LSAMP: variants seen among roughly 807,000 people sequenced by gnomAD.
LSAMP encodes the protein limbic system-associated membrane protein.
In LSAMP, 7 loss-of-function variants were observed where a neutral mutation model predicts 38.6. That is an observed-to-expected ratio of 0.18 (90% confidence interval 0.10 to 0.34). The LOEUF (loss-of-function observed/expected upper bound fraction) is 0.34. Among genes scored for constraint, LSAMP ranks in the 10% least tolerant of loss-of-function variants. The pLI, the probability that LSAMP is intolerant of heterozygous loss-of-function variation, is 1.00. For missense variants in LSAMP, 313 were observed against 420.0 expected (o/e 0.75, Z 2.23); for synonymous variants, 154 against 166.8 (o/e 0.92, Z 0.59).
intron 6 of LSAMP, among the ~76,000 whole-genome samples, chr3:115,835,634 A>C (rs1167233416): frequency 1.3e-5 from 2 of 152,244 alleles, no homozygotes; most frequent in African/African-American, 4.8e-5. Flanking sequence ...AGAAAGGCAT[A>C]TGTGCATATT....
intron 4 of LSAMP, among the ~76,000 whole-genome samples, chr3:115,845,983 G>T (rs186347257): frequency 8.5e-5 from 13 of 152,266 alleles, no homozygotes; most frequent in African/African-American, 3.1e-4. Flanking sequence ...TATACAAAGA[G>T]CTCATTGTTT....
At chr3:115,810,566 A>G in intron 6 of LSAMP, 152 bp from the exon 7 acceptor site, 1 of 668,004 alleles carries the variant, frequency 1.5e-6, no homozygotes, top group Non-Finnish European at 2.7e-6. Context: ...GAAGCGCTCA[A>G]AACTTTTCTA....
At chr3:116,029,365 T>C (rs1373660030) in intron 2 of LSAMP, among the ~76,000 whole-genome samples, 1 of 152,058 alleles carries the variant, frequency 6.6e-6, no homozygotes, top group Non-Finnish European at 1.5e-5. Context: ...CATGGGAAAG[T>C]AGAAAAAATA....
chr3:116,267,984 C>CACATTCAAGATGG (rs1466805876), intron 1 of LSAMP, among the ~76,000 whole-genome samples: 1 of 152,106 alleles, frequency 6.6e-6, no homozygotes, highest in African/African-American at 2.4e-5. Flanking sequence ...ATGAAAGCAA[C>CACATTCAAGATGG]ACATTCAAGA....
At chr3:116,357,093 A>G (rs1030757072) in intron 1 of LSAMP, among the ~76,000 whole-genome samples, 1 of 152,132 alleles carries the variant, frequency 6.6e-6, no homozygotes, top group Non-Finnish European at 1.5e-5. Flanking sequence ...GCGCCCGGCT[A>G]GGAAGTCAGT....
chr3:116,197,163 A>ACACACACTCTCTCTCTCTCT (rs1268040540), intron 1 of LSAMP, among the ~76,000 whole-genome samples: 3 of 139,088 alleles, frequency 2.2e-5, no homozygotes, highest in African/African-American at 7.8e-5. Context: ...ACACACACAC[A>ACACACACTCTCTCTCTCTCT]CTCTCTCTCT....
chr3:116,369,341 G>A (rs538928889), intron 1 of LSAMP, among the ~76,000 whole-genome samples: 57 of 152,244 alleles, frequency 3.7e-4, no homozygotes, highest in Non-Finnish European at 6.2e-4. Context: ...TTTACAACAC[G>A]GGCTGCAGTT....
At chr3:115,935,694 A>C in intron 3 of LSAMP, among the ~76,000 whole-genome samples, 1 of 152,192 alleles carries the variant, frequency 6.6e-6, no homozygotes, top group Admixed American at 6.5e-5. Flanking sequence ...CTCATCTCAG[A>C]GTGGCAGGAT....
chr3:115,964,347 T>TATGGTACAGTGCAGCTGTCACTATATAA lies in LSAMP; in HGVS notation c.514+55140_514+55167dup, dbSNP rs1301948809. On this transcript the variant is annotated intron_variant, in intron 3 of 6. Transcript: ENST00000490035. ...ATTAATATTAGTTGAGAAAATGAGTTATGGTACAGTGCAGCTGTCACTATA... is the reference window on the plus strand; with the variant it reads ...ATTAATATTAGTTGAGAAAATGAGTTATGGTACAGTGCAGCTGTCACTATATAAATGGTACAGTGCAGCTGTCACTATA... Among the ~76,000 whole-genome samples, 3 of 152,312 alleles carry TATGGTACAGTGCAGCTGTCACTATATAA rather than the reference T, an allele frequency of 2.0e-5. No individual in the cohort carries two copies. The East Asian group carries it at 5.8e-4, about 29-fold the overall frequency.
At chr3:116,258,266 C>CTTT (rs148234383) in intron 1 of LSAMP, among the ~76,000 whole-genome samples, 2 of 151,766 alleles carry the variant, frequency 1.3e-5, no homozygotes, top group Non-Finnish European at 2.9e-5. Flanking sequence ...ATATTATAAT[C>CTTT]TTTTTTTTAC....
At chr3:116,432,587 C>T (rs1036447852) in intron 1 of LSAMP, among the ~76,000 whole-genome samples, 3 of 151,732 alleles carry the variant, frequency 2.0e-5, no homozygotes, top group Non-Finnish European at 4.4e-5. Context: ...AAAAATTGTG[C>T]ATATTATCAT....
chr3:115,895,815 G>A (rs1248772547), intron 3 of LSAMP, among the ~76,000 whole-genome samples: 15 of 152,046 alleles, frequency 9.9e-5, no homozygotes, highest in African/African-American at 3.1e-4. Context: ...AATTGTTGAG[G>A]GGTTACCTCT....
intron 1 of LSAMP, among the ~76,000 whole-genome samples, chr3:116,390,940 C>T (rs868600283): frequency 4.6e-5 from 7 of 152,206 alleles, no homozygotes; most frequent in African/African-American, 1.7e-4. Flanking sequence ...GAACAGCTGA[C>T]ACCTGAAAGT....
chr3:116,386,974 G>C, intron 1 of LSAMP, among the ~76,000 whole-genome samples: 1 of 152,096 alleles, frequency 6.6e-6, no homozygotes, highest in African/African-American at 2.4e-5. Context: ...AGATACAGAA[G>C]AACAGAATAT....
intron 1 of LSAMP, among the ~76,000 whole-genome samples, chr3:116,413,457 A>T (rs921170750): frequency 2.0e-5 from 3 of 152,058 alleles, no homozygotes; most frequent in Non-Finnish European, 4.4e-5. Flanking sequence ...AAATATTTAT[A>T]CAAGATGCTC....
intron 3 of LSAMP, among the ~76,000 whole-genome samples, chr3:115,982,646 T>A (rs185998314): frequency 6.6e-6 from 1 of 152,120 alleles, no homozygotes; most frequent in African/African-American, 2.4e-5. Flanking sequence ...TATTGTACAT[T>A]CTCTCTCTTT....
At chr3:116,278,656 T>C (rs1559810609) in intron 1 of LSAMP, among the ~76,000 whole-genome samples, 1 of 152,200 alleles carries the variant, frequency 6.6e-6, no homozygotes, top group Non-Finnish European at 1.5e-5. Flanking sequence ...GAACCCCTTT[T>C]GTGTCATGAA....
chr3:116,158,825 T>G (rs1035257569), intron 1 of LSAMP, among the ~76,000 whole-genome samples: 4 of 152,032 alleles, frequency 2.6e-5, no homozygotes, highest in African/African-American at 7.2e-5. Context: ...CCAATGACAC[T>G]CTTCACAGGA....
At chr3:115,855,108 A>G (rs1935465622) in intron 3 of LSAMP, among the ~76,000 whole-genome samples, 1 of 152,214 alleles carries the variant, frequency 6.6e-6, no homozygotes, top group African/African-American at 2.4e-5. Flanking sequence ...TCCAATTCCC[A>G]TGAAATACCT....
Sources: allele counts gnomAD v4.1 joint callset (sites outside exome capture counted in the v4.1 genomes callset), GRCh38; gene constraint gnomAD v4.1.1; transcripts MANE v1.5; gene names NCBI Gene and HGNC (gene_info 2026-07-23, HGNC 2026-07-21).